The following CDH12 variants were observed in gnomAD, a reference collection of about 807,000 sequenced individuals.
CDH12 encodes the protein cadherin-12.
Under a neutral mutation model 74.1 loss-of-function variants are expected in CDH12, and 41 were observed. The ratio of observed to expected loss-of-function variants is 0.55; its 90% CI spans 0.43 to 0.72. CDH12 has a LOEUF of 0.72. Ranked by LOEUF, CDH12 falls within the 30% of genes least tolerant of loss-of-function variation. The pLI is 0.00. For synonymous variants in CDH12, 399 were observed against 355.0 expected, an observed-to-expected ratio of 1.12 and a Z score of -1.39; for missense variants, 945 against 977.2, an observed-to-expected ratio of 0.97 and a Z score of 0.44.
intron 6 of CDH12, among the ~76,000 whole-genome samples, chr5:21,882,427 C>T (rs1752399921): frequency 6.6e-6 from 1 of 152,124 alleles, no homozygotes; most frequent in African/African-American, 2.4e-5. Context: ...CATAGATTGG[C>T]TGTATTGCTC....
intron 11 of CDH12, among the ~76,000 whole-genome samples, chr5:21,777,736 T>C (rs1389124316): frequency 2.6e-5 from 4 of 152,082 alleles, no homozygotes; most frequent in African/African-American, 9.7e-5. Context: ...AGTGATCCTC[T>C]TGCCTTGGCC....
At chr5:22,268,115 G>A (rs1441445015) in intron 3 of CDH12, among the ~76,000 whole-genome samples, 3 of 151,938 alleles carry the variant, frequency 2.0e-5, no homozygotes. Flanking sequence ...AGGTATCAGG[G>A]GAGGTGAAGG....
At chr5:22,407,317 C>T (rs1742981630) in intron 2 of CDH12, among the ~76,000 whole-genome samples, 1 of 152,020 alleles carries the variant, frequency 6.6e-6, no homozygotes, top group African/African-American at 2.4e-5. Context: ...TTGTGGCACC[C>T]TTTGATTTCT....
At chr5:22,425,454 G>A (rs1281060221) in intron 2 of CDH12, among the ~76,000 whole-genome samples, 1 of 151,308 alleles carries the variant, frequency 6.6e-6, no homozygotes, top group African/African-American at 2.4e-5. Flanking sequence ...GTAGCACAGC[G>A]TCATTATATG....
At chr5:22,715,398 T>A (rs1442241656) in intron 1 of CDH12, among the ~76,000 whole-genome samples, 2 of 152,200 alleles carry the variant, frequency 1.3e-5, no homozygotes, top group Non-Finnish European at 2.9e-5. Flanking sequence ...AAAGCGTTAG[T>A]TTTTATTTCA....
chr5:22,292,055 A>G (rs1307581278), intron 3 of CDH12, among the ~76,000 whole-genome samples: 3 of 152,318 alleles, frequency 2.0e-5, no homozygotes, highest in Non-Finnish European at 4.4e-5. Flanking sequence ...AAGTCCATGC[A>G]TTTACAGCCA....
chr5:22,441,037 T>C (rs544683746), intron 2 of CDH12, among the ~76,000 whole-genome samples: 7 of 152,196 alleles, frequency 4.6e-5, no homozygotes, highest in Non-Finnish European at 7.3e-5. Context: ...TTCACACTTC[T>C]GGTCATTTGC....
intron 4 of CDH12, among the ~76,000 whole-genome samples, chr5:22,175,065 T>A (rs1489411964): frequency 1.2e-4 from 19 of 152,056 alleles, no homozygotes; most frequent in Admixed American, 1.2e-3. Flanking sequence ...AACTATGTAT[T>A]AAATGCCTAA....
chr5:22,566,233 TTTTC>T (rs1391415363), intron 1 of CDH12, among the ~76,000 whole-genome samples: 2 of 151,824 alleles, frequency 1.3e-5, no homozygotes, highest in South Asian at 2.1e-4. Context: ...TGTTGTTCTT[TTTTC>T]TTTCTTTTTT....
chr5:21,795,074 A>T (rs1423218021), intron 10 of CDH12, among the ~76,000 whole-genome samples: 1 of 151,710 alleles, frequency 6.6e-6, no homozygotes, highest in Non-Finnish European at 1.5e-5. Flanking sequence ...TCCATATCAT[A>T]TCTATTTCCT....
intron 1 of CDH12, among the ~76,000 whole-genome samples, chr5:22,641,635 G>A (rs2126871265): frequency 1.3e-5 from 2 of 152,198 alleles, no homozygotes; most frequent in Admixed American, 6.5e-5. Context: ...GAATATGCTG[G>A]ATTTTTTCTT....
At chr5:22,511,679 A>G (rs1736615926) in intron 1 of CDH12, among the ~76,000 whole-genome samples, 1 of 152,188 alleles carries the variant, frequency 6.6e-6, no homozygotes, top group Non-Finnish European at 1.5e-5. Flanking sequence ...ACCATTTGGA[A>G]TATCTACTAA....
At chr5:21,906,235 G>T (rs1753636833) in intron 6 of CDH12, among the ~76,000 whole-genome samples, 1 of 152,156 alleles carries the variant, frequency 6.6e-6, no homozygotes, top group Admixed American at 6.6e-5. Context: ...AAGCAGACAG[G>T]TCAGGGGTTT....
chr5:22,828,502 T>C (rs1331796274), intron 1 of CDH12, among the ~76,000 whole-genome samples: 1 of 152,094 alleles, frequency 6.6e-6, no homozygotes, highest in East Asian at 1.9e-4. Flanking sequence ...TGACACGAAG[T>C]AGGAAGGGAT....
At chr5:22,755,386 T>C (rs1024639416) in intron 1 of CDH12, among the ~76,000 whole-genome samples, 6 of 152,168 alleles carry the variant, frequency 3.9e-5, no homozygotes, top group African/African-American at 1.4e-4. Flanking sequence ...GGTAAATTGT[T>C]CAGCTTTATG....
intron 1 of CDH12, among the ~76,000 whole-genome samples, chr5:22,738,315 G>A (rs1179625533): frequency 6.6e-6 from 1 of 152,004 alleles, no homozygotes; most frequent in African/African-American, 2.4e-5. Context: ...ATCCATTGTT[G>A]TTTCCTGTGG....
intron 3 of CDH12, among the ~76,000 whole-genome samples, chr5:22,387,744 A>G (rs1742059940): frequency 6.6e-6 from 1 of 152,154 alleles, no homozygotes; most frequent in Non-Finnish European, 1.5e-5. Context: ...AGTTCTTTAG[A>G]TATCTTAATG....
intron 5 of CDH12, among the ~76,000 whole-genome samples, chr5:22,039,292 T>C (rs1457772462): frequency 1.3e-5 from 2 of 152,018 alleles, no homozygotes; most frequent in African/African-American, 4.8e-5. Context: ...TGGGCCCTGG[T>C]ACCCAGGGGC....
chr5:22,199,982 G>A (rs547773248), intron 4 of CDH12, among the ~76,000 whole-genome samples: 58 of 152,278 alleles, frequency 3.8e-4, no homozygotes, highest in African/African-American at 1.4e-3. Flanking sequence ...GTTTCTGCAA[G>A]GATTGCAATT....
Sources: gnomAD v4.1 joint callset for allele counts (sites outside exome capture counted in the v4.1 genomes callset) on GRCh38, gnomAD v4.1.1 for gene constraint, MANE v1.5 for transcripts, NCBI Gene and HGNC (gene_info 2026-07-23, HGNC 2026-07-21) for gene names.